AXIN2: variants seen among roughly 807,000 people sequenced by gnomAD.
The protein encoded by AXIN2 is axin-2.
Under a neutral mutation model 74.7 loss-of-function variants are expected in AXIN2, and 21 were observed. That is an observed-to-expected ratio of 0.28 (90% CI 0.20 to 0.40). AXIN2 has a LOEUF of 0.40. AXIN2 is among the 10% of genes least tolerant of loss of function. AXIN2 has a pLI of 1.00. For synonymous variants in AXIN2, 532 were observed against 454.9 expected (o/e 1.17, Z -2.16); for missense variants, 1,144 against 1,111.1 (o/e 1.03, Z -0.42).
At chr17:65,532,651 G>C (rs764004624) in intron 10 of AXIN2, among the ~76,000 whole-genome samples, 1 of 152,184 alleles carries the variant, frequency 6.6e-6, no homozygotes, top group Non-Finnish European at 1.5e-5. Flanking sequence ...ACTATACAAG[G>C]CCTGCTCTAG....
chr17:65,529,678 A>C lies in AXIN2; in HGVS notation c.*298T>G. On this transcript the variant is annotated 3_prime_UTR_variant, in exon 11 of 11. Transcript: ENST00000307078. ...GTTTATGGATTTCAGATCCCTAGGA[A>C]GTCATATATTATGTATGGCAGTCTC... 2.1e-6 allele frequency: 1 copy of C among 466,456 alleles called. No homozygotes were observed. Among genetic ancestry groups the C allele is most frequent in the Non-Finnish European group, 4.0e-6 (1 of 252,742 alleles). The allele number at this position is 466,456 out of a possible 1,614,324, so 28.9% of individuals were successfully genotyped here. A position where few individuals can be genotyped will look rare whatever the true frequency, so the allele number is the denominator to read the frequency against.
chr17:65,559,728 A>T (rs2044334206), intron 1 of AXIN2, among the ~76,000 whole-genome samples: 1 of 152,160 alleles, frequency 6.6e-6, no homozygotes, highest in Non-Finnish European at 1.5e-5. Flanking sequence ...TCTAACCAAT[A>T]AACAAGCTGC....
chr17:65,534,148 C>A (rs534126635), intron 9 of AXIN2, 69 bp from the exon 10 acceptor site: 20 of 1,559,978 alleles, frequency 1.3e-5, no homozygotes, highest in Non-Finnish European at 1.7e-5. Flanking sequence ...CAAACACACA[C>A]GTGCGCACAT....
At chr17:65,539,088 T>C (rs910228366) in intron 4 of AXIN2, among the ~76,000 whole-genome samples, 1 of 152,094 alleles carries the variant, frequency 6.6e-6, no homozygotes, top group Non-Finnish European at 1.5e-5. Context: ...GTGCAGAATA[T>C]AAAAAGGCAC....
chr17:65,555,071 C>T (rs2044248108), intron 2 of AXIN2, among the ~76,000 whole-genome samples: 1 of 152,166 alleles, frequency 6.6e-6, no homozygotes, highest in Non-Finnish European at 1.5e-5. Flanking sequence ...GCTCTTCCGC[C>T]CCAACTATTT....
At chr17:65,549,406 A>G in intron 3 of AXIN2, 114 bp downstream of exon 3, 1 of 1,315,880 alleles carries the variant, frequency 7.6e-7, no homozygotes, top group South Asian at 1.3e-5. Flanking sequence ...TGATGTCCAT[A>G]CATGCACAGG....
chr17:65,556,109 C>A (rs1343831883), intron 2 of AXIN2, among the ~76,000 whole-genome samples: 2 of 152,140 alleles, frequency 1.3e-5, no homozygotes, highest in Non-Finnish European at 2.9e-5. Context: ...GAGGCAAGCC[C>A]AGGCTGAGTC....
At chr17:65,537,232 T>G in intron 6 of AXIN2, 92 bp downstream of exon 6, 5 of 1,586,066 alleles carry the variant, frequency 3.2e-6, no homozygotes, top group Non-Finnish European at 4.3e-6. Flanking sequence ...AGAAACTAAA[T>G]GCCTGTAATG....
At chr17:65,539,878 T>C (rs2044015388) in intron 4 of AXIN2, among the ~76,000 whole-genome samples, 1 of 152,182 alleles carries the variant, frequency 6.6e-6, no homozygotes, top group East Asian at 1.9e-4. Context: ...AGCCCTAAAA[T>C]GGGAATGTAG....
chr17:65,544,513 C>CCTT (rs1240763580), intron 3 of AXIN2, among the ~76,000 whole-genome samples: 9 of 152,172 alleles, frequency 5.9e-5, no homozygotes, highest in African/African-American at 2.2e-4. Flanking sequence ...TTAACAGGCA[C>CCTT]CTTCAAGGAA....
intron 6 of AXIN2, 58 bp downstream of exon 6, chr17:65,537,266 A>G: frequency 6.2e-7 from 1 of 1,610,366 alleles, no homozygotes; most frequent in Non-Finnish European, 8.5e-7. Flanking sequence ...ACACCTGCCC[A>G]TGGACCTGGC....
At chr17:65,549,802 G>C in intron 2 of AXIN2, 142 bp from the exon 3 acceptor site, 1 of 1,131,300 alleles carries the variant, frequency 8.8e-7, no homozygotes, top group Non-Finnish European at 1.3e-6. Context: ...GCTCACCTGG[G>C]CAGAAAGCAG....
chr17:65,552,214 G>A (rs934047791), intron 2 of AXIN2, among the ~76,000 whole-genome samples: 1 of 152,204 alleles, frequency 6.6e-6, no homozygotes, highest in African/African-American at 2.4e-5. Context: ...AGGCCTCGTA[G>A]TTGAGAAGGG....
At chr17:65,557,689 C>CA in intron 2 of AXIN2, 117 bp downstream of exon 2, 1 of 1,047,568 alleles carries the variant, frequency 9.5e-7, no homozygotes, top group Non-Finnish European at 1.4e-6. Flanking sequence ...TCATGGCCAG[C>CA]AGTCCTAACT....
intron 3 of AXIN2, among the ~76,000 whole-genome samples, chr17:65,548,146 T>C (rs1043850761): frequency 2.6e-4 from 39 of 152,246 alleles, no homozygotes; most frequent in African/African-American, 2.9e-4. Context: ...GATGTGTACT[T>C]TCCTGTTTCC....
At chr17:65,533,555 G>A (rs1460824776) in intron 10 of AXIN2, among the ~76,000 whole-genome samples, 5 of 152,056 alleles carry the variant, frequency 3.3e-5, no homozygotes, top group African/African-American at 4.8e-5. Context: ...CTCCCCACTC[G>A]CCCACAAGCC....
chr17:65,539,404 G>A (rs933673803), intron 4 of AXIN2, among the ~76,000 whole-genome samples: 2 of 152,172 alleles, frequency 1.3e-5, no homozygotes, highest in African/African-American at 4.8e-5. Context: ...CACACAGGCT[G>A]GCTCCTTGCA....
At chr17:65,539,418 C>T (rs1442472079) in intron 4 of AXIN2, among the ~76,000 whole-genome samples, 2 of 152,142 alleles carry the variant, frequency 1.3e-5, no homozygotes, top group African/African-American at 2.4e-5. Flanking sequence ...CCTTGCAGCC[C>T]CTGATCAAAG....
At chr17:65,558,778 G>T in intron 1 of AXIN2, 42 bp from the exon 2 acceptor site, 2 of 747,664 alleles carry the variant, frequency 2.7e-6, no homozygotes, top group Non-Finnish European at 4.5e-6. Context: ...GAGAGAAAAG[G>T]GTATTGATCT....
Sources: gnomAD v4.1 joint callset for allele counts (sites outside exome capture counted in the v4.1 genomes callset) on GRCh38, gnomAD v4.1.1 for gene constraint, MANE v1.5 for transcripts, NCBI Gene and HGNC (gene_info 2026-07-23, HGNC 2026-07-21) for gene names.